Variants in MINK1 observed in about 807,000 individuals in gnomAD.
MINK1 encodes the protein misshapen like kinase 1.
MINK1 carries 46 observed loss-of-function variants against 178.4 expected under a neutral mutation model. That is an observed-to-expected ratio of 0.26 (90% confidence interval 0.20 to 0.33). The LOEUF is 0.33. MINK1 is among the 10% of genes least tolerant of loss of function. MINK1 has a pLI of 1.00. For missense variants in MINK1, 1,366 were observed against 1,814.9 expected, an observed-to-expected ratio of 0.75 and a Z score of 4.49; for synonymous variants, 797 against 709.7, an observed-to-expected ratio of 1.12 and a Z score of -1.96.
chr17:4,875,835 G>A lies in MINK1; in HGVS notation c.58-2482G>A, dbSNP rs577936166. On this transcript the variant is annotated intron_variant, in intron 1 of 31. Transcript: ENST00000355280. ...CGCCGAGACAGAGCCTTGCTCTGTC[G>A]CTTTGGTTGGAGTGCAGTGGTGTGA... 4.7e-3 allele frequency among the ~76,000 whole-genome samples: 703 copies of A among 150,828 alleles called. 5 individuals carry two copies. Among genetic ancestry groups the A allele is most frequent in the African/African-American group, 0.016 (672 of 41,040 alleles).
chr17:4,893,834 C>A, intron 21 of MINK1, 154 bp from the exon 22 acceptor site: 1 of 852,772 alleles, frequency 1.2e-6, no homozygotes, highest in Non-Finnish European at 1.8e-6. Flanking sequence ...TGCAGGGAAG[C>A]ACCTCACGGT....
At position 4,891,551 on chromosome 17, in the gene MINK1, C is replaced by T; in HGVS notation, c.1836C>T (p.Ala612=). The change falls in exon 16 of 32, where the codon GCC becomes GCT. Residue 612 remains alanine, a synonymous_variant. Coordinates refer to ENST00000355280, the MANE Select transcript of MINK1 (RefSeq NM_153827.5). ...LQDQPTRNLA[A]FPASHDPDPA... ...ACCAGCCCACCCGAAACCTGGCTGC[C>T]TTCCCAGCCTCCCATGACCCCGACC... 1.9e-6 allele frequency: 3 copies of T among 1,608,982 alleles called. No individual in the cohort carries two copies. Among genetic ancestry groups the T allele is most frequent in the Non-Finnish European group, 2.5e-6 (3 of 1,178,048 alleles).
intron 1 of MINK1, among the ~76,000 whole-genome samples, chr17:4,867,372 A>G (rs1915188837): frequency 6.6e-6 from 1 of 151,724 alleles, no homozygotes; most frequent in East Asian, 1.9e-4. Context: ...GTACACGGTC[A>G]GGTACAATGG....
At chr17:4,869,888 G>T (rs1915641693) in intron 1 of MINK1, among the ~76,000 whole-genome samples, 1 of 146,934 alleles carries the variant, frequency 6.8e-6, no homozygotes, top group Admixed American at 6.8e-5. Context: ...CCAGGCTGGG[G>T]TGCAGTGGCG....
chr17:4,883,789 C>T (rs112114651), intron 4 of MINK1, among the ~76,000 whole-genome samples: 2,330 of 151,048 alleles, frequency 0.015, 59 homozygotes, highest in African/African-American at 0.053. Flanking sequence ...CCACCCACCT[C>T]GGCCTCCCAA....
intron 1 of MINK1, among the ~76,000 whole-genome samples, chr17:4,869,707 G>A (rs923753956): frequency 1.3e-5 from 2 of 150,678 alleles, no homozygotes; most frequent in African/African-American, 4.9e-5. Flanking sequence ...CCCACCAAAA[G>A]TGTATAAGAG....
rs986736392 is a variant in MINK1 at position 4,891,210 on chromosome 17, A to ACACG, written c.1740+89_1740+90insGCAC. On this transcript the variant is annotated intron_variant, in intron 15 of 31. Coordinates refer to ENST00000355280, the MANE Select transcript of MINK1 (RefSeq NM_153827.5). ...TACACACACACGCGCGCACACACAC[A>ACACG]CACACACACACACACCTGCTCAGCC... The ACACG allele has an allele frequency of 8.2e-5, 92 of 1,118,156 alleles. 1 individual carries two copies. The highest frequency in any genetic ancestry group is 1.1e-4 in the Non-Finnish European group (87 of 800,642). The allele number at this position is 1,118,156 out of a possible 1,614,324, so 69.3% of individuals were successfully genotyped here.
At chr17:4,897,016 G>C in intron 31 of MINK1, 188 bp from the exon 32 acceptor site, 1 of 890,748 alleles carries the variant, frequency 1.1e-6, no homozygotes, top group East Asian at 2.7e-5. Flanking sequence ...CAGGGGGCGA[G>C]TGGTGCACCC....
intron 2 of MINK1, 101 bp downstream of exon 2, chr17:4,878,483 ATGGGAGATGCTAGAGTC>A (rs1967398014): frequency 7.4e-6 from 8 of 1,076,750 alleles, no homozygotes; most frequent in African/African-American, 1.6e-5. Context: ...GAAGGGGGCT[ATGGGAGATGCTAGAGTC>A]TAGGGCCCTG....
chr17:4,884,986 T>C lies in MINK1; in HGVS notation c.492T>C (p.Asn164=), dbSNP rs374191351. Residue 164 remains asparagine (N), a synonymous_variant, in exon 6 of 32, where the codon AAT becomes AAC. Transcript: ENST00000355280. ...GGCAGAATGTGCTGCTGACAGAGAA[T>C]GCTGAGGTCAAGCTAGGTGCGCCGG... ...IKGQNVLLTE[N]AEVKLVDFGV... 2.5e-5 allele frequency: 40 copies of C among 1,613,736 alleles called. No homozygotes were observed. The highest frequency in any genetic ancestry group is 3.2e-5 in the Non-Finnish European group (38 of 1,179,864).
At position 4,893,493 on chromosome 17, in the gene MINK1, C is replaced by T; in HGVS notation, c.2460C>T (p.Ala820=). 1 of 1,600,188 alleles carries T rather than the reference C, an allele frequency of 6.2e-7. No individual in the cohort carries two copies. The change falls in exon 21 of 32, where the codon GCC becomes GCT. Residue 820 remains alanine, a synonymous_variant. Transcript: ENST00000355280. ...LDEAPRPPKK[A]MDYSSSSEEV... ...AGGCCCCTCGGCCTCCCAAGAAGGCCATGGACTACTCGTCGTCCAGCGAGG... is the reference window on the plus strand; with the variant it reads ...AGGCCCCTCGGCCTCCCAAGAAGGCTATGGACTACTCGTCGTCCAGCGAGG...
chr17:4,890,695 G>A lies in MINK1; in HGVS notation c.1526G>A (p.Arg509Gln), dbSNP rs372145331. Residue 509 changes from arginine (R) to glutamine (Q), a missense_variant, in exon 14 of 32, where the codon CGG becomes CAG. Arg to Gln is a conservative substitution (Grantham distance 43, BLOSUM62 1). Coordinates refer to ENST00000355280, the MANE Select transcript of MINK1 (RefSeq NM_153827.5). ...GDRKPLYHYG[R>Q]GMNPADKPAW... is the part of the protein sequence containing the mutation. ...AGGAAGCCCCTGTACCATTATGGTC[G>A]GGGCATGAATCCCGCTGACAAACCA... The A allele has an allele frequency of 1.5e-5, 24 of 1,549,744 alleles. No individual in the cohort carries two copies. The highest frequency in any genetic ancestry group is 4.9e-5 in the East Asian group (2 of 40,900).
Position 4,894,352 on chromosome 17 carries a change from C to CTGGCGATG in MINK1, c.2808+42_2808+49dup. 6.3e-7 allele frequency: 1 copy of CTGGCGATG among 1,596,320 alleles called. No homozygotes were observed. The highest frequency in any genetic ancestry group is 1.8e-5 in the Admixed American group (1 of 56,898). ...GCAGGTCCGCCGGGAGAGAAGAGCC[C>CTGGCGATG]TGGCGATGGGCAGGAGGTCCCGGTG... On this transcript the variant is annotated intron_variant, in intron 23 of 31. Transcript: ENST00000355280. This position sits in a 1 kb window ranked among gnomAD's most constrained non-coding sequence, Gnocchi z 4.1.
At chr17:4,872,922 T>G (rs1383135220) in intron 1 of MINK1, among the ~76,000 whole-genome samples, 2 of 152,228 alleles carry the variant, frequency 1.3e-5, no homozygotes, top group African/African-American at 4.8e-5. Flanking sequence ...CTCTCAAGGT[T>G]AGACTTCTCC....
chr17:4,873,623 T>C (rs1265833425), intron 1 of MINK1, among the ~76,000 whole-genome samples: 1 of 147,378 alleles, frequency 6.8e-6, no homozygotes, highest in African/African-American at 2.5e-5. Flanking sequence ...TTTTCTTTTT[T>C]TTTTTTTTTT....
chr17:4,887,037 C>T lies in MINK1; in HGVS notation c.950-73C>T. The T allele has an allele frequency of 6.7e-7, 1 of 1,487,984 alleles. No individual in the cohort carries two copies. Among genetic ancestry groups the T allele is most frequent in the South Asian group, 1.2e-5 (1 of 82,380 alleles). 92.2% of individuals were successfully genotyped at this position (1,487,984 alleles called of 1,614,324 possible). Reference sequence around the variant, plus strand: ...CCAGCCAGAGAGACCTGGTTATCCCCACCCAAGGTTTCCCTAGCCCACGGC... The same window carrying T: ...CCAGCCAGAGAGACCTGGTTATCCCTACCCAAGGTTTCCCTAGCCCACGGC... On this transcript the variant is annotated intron_variant, in intron 10 of 31. Transcript: ENST00000355280. This position sits in a 1 kb window ranked among gnomAD's most constrained non-coding sequence, Gnocchi z 7.6.
chr17:4,892,012 C>T (rs2586532), intron 16 of MINK1, 137 bp from the exon 17 acceptor site: 502,723 of 784,860 alleles, frequency 0.64, 170,957 homozygotes, highest in Non-Finnish European at 0.73. Context: ...TAACCCTGGA[C>T]GTATTCACTA....
intron 1 of MINK1, among the ~76,000 whole-genome samples, chr17:4,841,520 G>GC (rs1260153964): frequency 0.021 from 3,078 of 146,712 alleles, 55 homozygotes; most frequent in African/African-American, 0.038. Flanking sequence ...TTCCCACAAA[G>GC]CCCCCCCTCC....
In MINK1 at chr17:4,896,430, TCCAGAG is replaced by T; in HGVS notation, c.3623_3628del (p.Ser1208_Gln1209del). 3 of 1,613,696 alleles carry T rather than the reference TCCAGAG, an allele frequency of 1.9e-6. No individual in the cohort carries two copies. The highest frequency in any genetic ancestry group is 2.5e-6 in the Non-Finnish European group (3 of 1,179,760). ...TCTAGTCCCCCTCCTTCTCCCCAGA[TCCAGAG>T]CCAGATCACGCCCCATGCCATCATC... On this transcript the variant is annotated inframe_deletion and splice_region_variant, in exon 30 of 32. Coordinates refer to ENST00000355280, the MANE Select transcript of MINK1 (RefSeq NM_153827.5). This position sits in a 1 kb window ranked among gnomAD's most constrained non-coding sequence, Gnocchi z 4.6.
Sources: allele counts gnomAD v4.1 joint callset (sites outside exome capture counted in the v4.1 genomes callset), GRCh38; gene constraint gnomAD v4.1.1; non-coding constraint Gnocchi (gnomAD v3.1); transcripts MANE v1.5; gene names NCBI Gene and HGNC (gene_info 2026-07-23, HGNC 2026-07-21).